Variants in ARID4B observed in about 807,000 individuals in gnomAD.
ARID4B encodes AT-rich interactive domain-containing protein 4B.
A neutral mutation model predicts 147.5 loss-of-function variants in ARID4B; 26 were observed. The ratio of observed to expected loss-of-function variants is 0.18; its 90% CI spans 0.13 to 0.24. The LOEUF is 0.24. ARID4B is among the 10% of genes least tolerant of loss of function. The probability of loss-of-function intolerance (pLI) is 1.00; values close to 1 mark genes in which losing one functional copy is unlikely to be tolerated. For missense variants in ARID4B, 1,179 were observed against 1,511.5 expected (o/e 0.78, Z 3.65); for synonymous variants, 512 against 507.9 (o/e 1.01, Z -0.11).
At chr1:235,276,409 TA>T (rs895617250) in intron 2 of ARID4B, among the ~76,000 whole-genome samples, 2 of 152,082 alleles carry the variant, frequency 1.3e-5, no homozygotes, top group Non-Finnish European at 2.9e-5. Flanking sequence ...TTACACTTTT[TA>T]AAAAACAATA....
At chr1:235,281,062 C>G (rs998667823) in intron 2 of ARID4B, among the ~76,000 whole-genome samples, 1 of 151,910 alleles carries the variant, frequency 6.6e-6, no homozygotes, top group African/African-American at 2.4e-5. Context: ...CTCACCAACT[C>G]TACAGCTTAC....
chr1:235,240,198 T>C, intron 8 of ARID4B, 115 bp downstream of exon 8: 1 of 974,916 alleles, frequency 1.0e-6, no homozygotes, highest in Non-Finnish European at 1.5e-6. Context: ...GTGAACTAAA[T>C]AATGCTAAAA....
chr1:235,300,251 A>T (rs1043089322), intron 2 of ARID4B, among the ~76,000 whole-genome samples: 28 of 152,026 alleles, frequency 1.8e-4, no homozygotes, highest in Non-Finnish European at 1.6e-4. Flanking sequence ...CCCCATCTCT[A>T]CCAAAAAATA....
intron 2 of ARID4B, among the ~76,000 whole-genome samples, chr1:235,265,052 C>A (rs1159020205): frequency 7.7e-6 from 1 of 129,306 alleles, no homozygotes; most frequent in Non-Finnish European, 1.6e-5. Flanking sequence ...AAGAGTGAAA[C>A]TTCGTCTCAA....
intron 7 of ARID4B, among the ~76,000 whole-genome samples, chr1:235,245,647 G>A (rs1377587182): frequency 6.6e-6 from 1 of 152,038 alleles, no homozygotes; most frequent in Non-Finnish European, 1.5e-5. Flanking sequence ...ATATATACAT[G>A]TAAACACATT....
intron 23 of ARID4B, among the ~76,000 whole-genome samples, chr1:235,170,253 A>G (rs1217348808): frequency 6.6e-6 from 1 of 152,206 alleles, no homozygotes; most frequent in African/African-American, 2.4e-5. Context: ...CATATTGCCT[A>G]TGGGAGTTTT....
At chr1:235,236,862 A>ATATATATATTTTTT (rs1426582533) in intron 8 of ARID4B, among the ~76,000 whole-genome samples, 2 of 17,490 alleles carry the variant, frequency 1.1e-4, no homozygotes, top group African/African-American at 2.2e-4. Context: ...ATATATATAT[A>ATATATATATTTTTT]TTTTTTTTTT....
intron 9 of ARID4B, 26 bp from the exon 10 acceptor site, chr1:235,231,215 G>T: frequency 7.3e-7 from 1 of 1,360,722 alleles, no homozygotes. Flanking sequence ...AATTATAAGA[G>T]AAGAAAAAAA....
chr1:235,264,773 T>G (rs968622825), intron 2 of ARID4B, among the ~76,000 whole-genome samples: 1 of 152,184 alleles, frequency 6.6e-6, no homozygotes, highest in African/African-American at 2.4e-5. Context: ...AAAACCACAT[T>G]TTGGCTGGGC....
intron 2 of ARID4B, among the ~76,000 whole-genome samples, chr1:235,288,243 A>G (rs1032417473): frequency 1.3e-5 from 2 of 152,172 alleles, no homozygotes; most frequent in African/African-American, 4.8e-5. Context: ...CAGGAGACGG[A>G]GATTGCAGTA....
intron 2 of ARID4B, among the ~76,000 whole-genome samples, chr1:235,281,067 G>GCTTA (rs1181841546): frequency 1.3e-5 from 2 of 151,930 alleles, no homozygotes; most frequent in African/African-American, 4.8e-5. Flanking sequence ...CAACTCTACA[G>GCTTA]CTTACAAGCT....
intron 2 of ARID4B, among the ~76,000 whole-genome samples, chr1:235,313,667 C>G (rs1674236616): frequency 6.6e-6 from 1 of 152,070 alleles, no homozygotes; most frequent in Non-Finnish European, 1.5e-5. Flanking sequence ...CATAAATAAC[C>G]CTCTAGGCTT....
intron 8 of ARID4B, among the ~76,000 whole-genome samples, chr1:235,239,628 A>T (rs1272399029): frequency 1.3e-5 from 2 of 152,228 alleles, no homozygotes; most frequent in Admixed American, 1.3e-4. Context: ...TAAAAAGCTC[A>T]AAAGGCTTTC....
In ARID4B at chr1:235,168,602, C is replaced by G; in HGVS notation, c.3862G>C (p.Ala1288Pro). The G allele has an allele frequency of 6.2e-7, 1 of 1,614,068 alleles. No homozygotes were observed. The highest frequency in any genetic ancestry group is 8.5e-7 in the Non-Finnish European group (1 of 1,180,004). The change falls in exon 24 of 24, where the codon GCT (alanine) becomes CCT (proline). Residue 1288 changes from alanine to proline, a missense_variant. Ala to Pro is a conservative substitution (Grantham distance 27). Coordinates refer to ENST00000264183, the MANE Select transcript of ARID4B (RefSeq NM_016374.6). Reference protein sequence around the residue: ...SSSPSSSSITAAVMLTLAEPS... With the variant: ...SSSPSSSSITPAVMLTLAEPS... ...TCAGCTAAAGTTAACATAACAGCAG[C>G]TGTTATGGAACTGGATGAAGGTGAA...
rs1571875038 is a variant in ARID4B at position 235,167,190 on chromosome 1, A to G, written c.*1335T>C. 1.5e-5 allele frequency: 3 copies of G among 206,278 alleles called. No individual in the cohort carries two copies. Among genetic ancestry groups the G allele is most frequent in the East Asian group, 1.5e-4 (2 of 13,496 alleles). The allele number at this position is 206,278 out of a possible 1,614,324, so 12.8% of individuals were successfully genotyped here. ...TTCTGACACGTTAGCATCTACAACA[A>G]AACGCATTGAAATTCCCACGTCGTA... On this transcript the variant is annotated 3_prime_UTR_variant, in exon 24 of 24. Transcript: ENST00000264183.
chr1:235,250,364 A>G (rs1669570047), intron 6 of ARID4B, among the ~76,000 whole-genome samples: 1 of 152,202 alleles, frequency 6.6e-6, no homozygotes. Flanking sequence ...TTAAAACAAT[A>G]TGAAAAATAC....
intron 8 of ARID4B, among the ~76,000 whole-genome samples, chr1:235,236,834 A>ATATATATATATGTG (rs1668606481): frequency 9.5e-5 from 2 of 21,160 alleles, no homozygotes; most frequent in Non-Finnish European, 1.6e-4. Context: ...TTTATAAAAA[A>ATATATATATATGTG]TATATATATA....
At chr1:235,217,948 C>T (rs1667204809) in intron 16 of ARID4B, among the ~76,000 whole-genome samples, 1 of 152,154 alleles carries the variant, frequency 6.6e-6, no homozygotes, top group South Asian at 2.1e-4. Flanking sequence ...CCTATACATA[C>T]ATACCTCTGA....
chr1:235,211,984 C>A (rs975339044), intron 17 of ARID4B, among the ~76,000 whole-genome samples: 2 of 152,028 alleles, frequency 1.3e-5, no homozygotes, highest in Non-Finnish European at 2.9e-5. Flanking sequence ...AGCATAAGAA[C>A]CAACAGCTGA....
Sources: allele counts gnomAD v4.1 joint callset (sites outside exome capture counted in the v4.1 genomes callset), GRCh38; gene constraint gnomAD v4.1.1; transcripts MANE v1.5; gene names NCBI Gene and HGNC (gene_info 2026-07-23, HGNC 2026-07-21).